The following METTL2A variants were observed in gnomAD, a reference collection of about 807,000 sequenced individuals.
METTL2A encodes tRNA N(3)-cytidine methyltransferase METTL2A.
A neutral mutation model predicts 49.4 loss-of-function variants in METTL2A; 45 were observed. The observed-to-expected ratio is 0.91, with a 90% CI of 0.72 to 1.17. The LOEUF (loss-of-function observed/expected upper bound fraction) is 1.17, where lower values mean the gene tolerates loss of function less well. Among genes scored for constraint, METTL2A ranks in the 50% most tolerant of loss-of-function variants. The pLI, the probability that METTL2A is intolerant of heterozygous loss-of-function variation, is 0.00. For missense variants in METTL2A, 361 were observed against 462.2 expected, an observed-to-expected ratio of 0.78 and a Z score of 2.01; for synonymous variants, 118 against 167.5, an observed-to-expected ratio of 0.70 and a Z score of 2.28.
chr17:62,426,038 C>T (rs533500355), intron 2 of METTL2A, among the ~76,000 whole-genome samples: 2 of 151,004 alleles, frequency 1.3e-5, no homozygotes, highest in South Asian at 4.2e-4. Flanking sequence ...TGTAGGAGGA[C>T]ACTTGATAGA....
intron 7 of METTL2A, among the ~76,000 whole-genome samples, chr17:62,445,705 G>A (rs2070763825): frequency 6.6e-6 from 1 of 151,934 alleles, no homozygotes; most frequent in South Asian, 2.1e-4. Flanking sequence ...GCTGAGGCAG[G>A]AGAATCGCTT....
intron 4 of METTL2A, among the ~76,000 whole-genome samples, chr17:62,429,386 G>A (rs1036368291): frequency 6.6e-6 from 1 of 152,032 alleles, no homozygotes. Flanking sequence ...CGCCTTCCGG[G>A]TTCAAGTGAT....
chr17:62,424,219 G>T lies in METTL2A; in HGVS notation c.111G>T (p.Trp37Cys). ...DPARVFHHNAWDNVEWSEEQA... is the reference protein window; with the variant it reads ...DPARVFHHNACDNVEWSEEQA... The stretch of plus-strand genomic sequence containing the variant: ...TAAGCTGCCCGTTTGATTTTCTCAG[G>T]GACAATGTGGAGTGGTCGGAAGAGC... The change falls in exon 2 of 9, where the codon TGG (tryptophan) becomes TGT (cysteine). Residue 37 changes from tryptophan to cysteine, a missense_variant and splice_region_variant. This residue lies in a region of METTL2A where 150 missense variants were observed against 170.1 expected (regional missense o/e 0.88). Coordinates refer to ENST00000311506, the MANE Select transcript of METTL2A (RefSeq NM_181725.4). The T allele has an allele frequency of 6.2e-7, 1 of 1,614,180 alleles. No individual in the cohort carries two copies. The highest frequency in any genetic ancestry group is 2.2e-5 in the East Asian group (1 of 44,878).
chr17:62,443,766 A>G (rs1447082210), intron 6 of METTL2A, among the ~76,000 whole-genome samples: 2 of 151,914 alleles, frequency 1.3e-5, no homozygotes, highest in Non-Finnish European at 2.9e-5. Context: ...ATTTTTTTGT[A>G]TTTTTAGTAG....
At chr17:62,437,133 CTTTT>C (rs747770697) in intron 5 of METTL2A, among the ~76,000 whole-genome samples, 1 of 125,554 alleles carries the variant, frequency 8.0e-6, no homozygotes, top group Non-Finnish European at 1.7e-5. Context: ...TCAGGCTTCA[CTTTT>C]TTTTTTTTTT....
chr17:62,427,793 C>T lies in METTL2A; in HGVS notation c.564C>T (p.Gly188=). Reference sequence around the variant, plus strand: ...TAGTTCATTTCTGTCTGCAGGTTGGCTGTGGTGTGGGAAACACAGTCTTTC... The same window carrying T: ...TAGTTCATTTCTGTCTGCAGGTTGGTTGTGGTGTGGGAAACACAGTCTTTC... ...SSATYRILEV[G]CGVGNTVFPI... Residue 188 remains glycine (G), a synonymous_variant, in exon 4 of 9, where the codon GGC becomes GGT. Coordinates refer to ENST00000311506, the MANE Select transcript of METTL2A (RefSeq NM_181725.4). 1 of 1,608,512 alleles carries T rather than the reference C, an allele frequency of 6.2e-7. No homozygotes were observed. Among genetic ancestry groups the T allele is most frequent in the Non-Finnish European group, 8.5e-7 (1 of 1,178,602 alleles).
chr17:62,441,760 A>G (rs1344580543), intron 6 of METTL2A, among the ~76,000 whole-genome samples: 4 of 145,160 alleles, frequency 2.8e-5, no homozygotes, highest in Non-Finnish European at 6.0e-5. Context: ...TTTTTTTTGA[A>G]GACGGAGTCT....
intron 6 of METTL2A, among the ~76,000 whole-genome samples, chr17:62,444,235 C>G (rs1320769009): frequency 2.0e-5 from 3 of 152,194 alleles, no homozygotes; most frequent in Non-Finnish European, 4.4e-5. Flanking sequence ...CTATCTAGGA[C>G]AGTGGGGAAG....
intron 4 of METTL2A, among the ~76,000 whole-genome samples, chr17:62,432,482 A>AACATAGTGAG (rs1337469396): frequency 6.6e-6 from 1 of 152,092 alleles, no homozygotes; most frequent in African/African-American, 2.4e-5. Flanking sequence ...GAGCCTGAGC[A>AACATAGTGAG]ACATAGTGAG....
Position 62,450,792 on chromosome 17 carries a change from A to G in METTL2A, c.*2063A>G, listed in dbSNP as rs1284361161. The stretch of plus-strand genomic sequence containing the variant: ...AGCCGAGATGGTGCCATTGCACTCC[A>G]GCCTGGGTGACAAGAGCGAAACTGC... On this transcript the variant is annotated 3_prime_UTR_variant, in exon 9 of 9. Transcript: ENST00000311506. 1.3e-5 allele frequency: 2 copies of G among 152,212 alleles called. No homozygotes were observed. Among genetic ancestry groups the G allele is most frequent in the African/African-American group, 4.8e-5 (2 of 41,456 alleles). The allele number at this position is 152,212 out of a possible 1,614,324, so 9.4% of individuals were successfully genotyped here. A position where few individuals can be genotyped will look rare whatever the true frequency, so the allele number is the denominator to read the frequency against.
chr17:62,430,808 A>G (rs183725450), intron 4 of METTL2A, among the ~76,000 whole-genome samples: 4 of 152,064 alleles, frequency 2.6e-5, no homozygotes, highest in African/African-American at 9.6e-5. Flanking sequence ...CCTCCCGAGT[A>G]GTTGGGATTA....
rs890520232 is a variant in METTL2A at position 62,452,239 on chromosome 17, T to C, written c.*3510T>C. On this transcript the variant is annotated 3_prime_UTR_variant, in exon 9 of 9. Transcript: ENST00000311506. ...TTTCTTCATGATTTGGTTCAGGCTCTGCATTTTGGGCAGGAATATTCAGAG... is the reference window on the plus strand; with the variant it reads ...TTTCTTCATGATTTGGTTCAGGCTCCGCATTTTGGGCAGGAATATTCAGAG... Among the ~76,000 whole-genome samples the C allele has an allele frequency of 6.6e-6, 1 of 152,188 alleles. No homozygotes were observed. Among genetic ancestry groups the C allele is most frequent in the Non-Finnish European group, 1.5e-5 (1 of 68,034 alleles).
rs1486691477 is a variant in METTL2A at position 62,451,368 on chromosome 17, G to A, written c.*2639G>A. On this transcript the variant is annotated 3_prime_UTR_variant, in exon 9 of 9. Transcript: ENST00000311506. ...TCTCCATGTTGGTCAGGCTGATCTC[G>A]AACTCCCGACCTCAGGTGATCTGCC... Among the ~76,000 whole-genome samples, 24 of 151,072 alleles carry A rather than the reference G, an allele frequency of 1.6e-4. No individual in the cohort carries two copies. The South Asian group carries it at 2.7e-3, about 17-fold the overall frequency.
intron 4 of METTL2A, among the ~76,000 whole-genome samples, chr17:62,432,058 G>C (rs75385254): frequency 0.095 from 14,430 of 152,078 alleles, 1,810 homozygotes; most frequent in East Asian, 0.45. Context: ...GAGTTGTGCA[G>C]CCATCACTGC....
intron 4 of METTL2A, among the ~76,000 whole-genome samples, chr17:62,430,132 T>C (rs1234225943): frequency 6.6e-6 from 1 of 152,250 alleles, no homozygotes; most frequent in Non-Finnish European, 1.5e-5. Flanking sequence ...ATTACTAATA[T>C]ACACTTAAAT....
At chr17:62,435,025 C>T (rs1470627840) in intron 4 of METTL2A, 1 of 603,226 alleles carries the variant, frequency 1.7e-6, no homozygotes, top group African/African-American at 1.8e-5. Context: ...TTATAAACTT[C>T]ATATTAGCTA....
chr17:62,443,530 C>T (rs1452948633), intron 6 of METTL2A, among the ~76,000 whole-genome samples: 1 of 152,214 alleles, frequency 6.6e-6, no homozygotes, highest in African/African-American at 2.4e-5. Context: ...AGGAGGATCA[C>T]TTGAGCCCAA....
At chr17:62,439,113 G>T (rs940448416) in intron 5 of METTL2A, among the ~76,000 whole-genome samples, 2 of 151,432 alleles carry the variant, frequency 1.3e-5, no homozygotes, top group Non-Finnish European at 2.9e-5. Flanking sequence ...AGAGTAGCTG[G>T]GATTACAGGC....
At chr17:62,436,457 C>G (rs1039439178) in intron 5 of METTL2A, among the ~76,000 whole-genome samples, 4 of 151,888 alleles carry the variant, frequency 2.6e-5, no homozygotes, top group South Asian at 2.1e-4. Context: ...AAGGCTGAAG[C>G]AGGAGAATCG....
Sources: allele counts gnomAD v4.1 joint callset (sites outside exome capture counted in the v4.1 genomes callset), GRCh38; gene constraint gnomAD v4.1.1; regional missense constraint gnomAD v4.1.1; transcripts MANE v1.5; gene names NCBI Gene and HGNC (gene_info 2026-07-23, HGNC 2026-07-21).